Variants in MYLK observed in about 807,000 individuals in gnomAD.
MYLK encodes myosin light chain kinase.
In MYLK, 106 loss-of-function variants were observed where a neutral mutation model predicts 203.4. The ratio of observed to expected loss-of-function variants is 0.52; its 90% CI spans 0.45 to 0.61. MYLK has a LOEUF of 0.61. MYLK is among the 20% of genes least tolerant of loss of function. The probability of loss-of-function intolerance (pLI) is 0.00; values close to 1 mark genes in which losing one functional copy is unlikely to be tolerated. For missense variants in MYLK, 2,072 were observed against 2,442.3 expected, an observed-to-expected ratio of 0.85 and a Z score of 3.20; for synonymous variants, 867 against 959.5, an observed-to-expected ratio of 0.90 and a Z score of 1.78.
chr3:123,678,899 T>C (rs2060163068), intron 20 of MYLK, among the ~76,000 whole-genome samples: 2 of 152,228 alleles, frequency 1.3e-5, no homozygotes, highest in African/African-American at 4.8e-5. Flanking sequence ...ATGTTGTACA[T>C]AGTATATTTC....
chr3:123,615,904 C>T lies in MYLK; in HGVS notation c.5501-1555G>A, dbSNP rs183007918. Among the ~76,000 whole-genome samples, 57 of 152,316 alleles carry T rather than the reference C, an allele frequency of 3.7e-4. No individual in the cohort carries two copies. The East Asian group carries it at 0.01, about 27-fold the overall frequency. On this transcript the variant is annotated intron_variant, in intron 33 of 33. Transcript: ENST00000360304. Reference sequence around the variant, plus strand: ...ACTCAAGTGATCTGCCTGCCTTGGCCTTCCAAAGTGTTGGGATTACAGGCG... The same window carrying T: ...ACTCAAGTGATCTGCCTGCCTTGGCTTTCCAAAGTGTTGGGATTACAGGCG...
At position 123,793,808 on chromosome 3, in the gene MYLK, T is replaced by C. The variant is rs907838812; in HGVS notation, c.34A>G (p.Ile12Val). ...TCCACACTGAGGGAGGTTTTGGAAATGTGTGACGAGGCAACCAGCTTCACA... is the reference window on the plus strand; with the variant it reads ...TCCACACTGAGGGAGGTTTTGGAAACGTGTGACGAGGCAACCAGCTTCACA... ...GDVKLVASSH[I>V]SKTSLSVDPS... is the part of the protein sequence containing the mutation. Residue 12 changes from isoleucine to valine, a missense_variant, in exon 4 of 34, where the codon ATT (isoleucine) becomes GTT (valine). Physicochemically the swap from Ile to Val is conservative, Grantham distance 29. Transcript: ENST00000360304. The C allele has an allele frequency of 2.5e-6, 4 of 1,613,998 alleles. No homozygotes were observed. The highest frequency in any genetic ancestry group is 4.5e-5 in the East Asian group (2 of 44,882).
intron 19 of MYLK, among the ~76,000 whole-genome samples, chr3:123,687,859 A>G (rs1284132140): frequency 3.3e-5 from 5 of 152,002 alleles, no homozygotes; most frequent in Non-Finnish European, 5.9e-5. Flanking sequence ...TTTTGTAGAG[A>G]CAGGGTTTCA....
intron 4 of MYLK, among the ~76,000 whole-genome samples, chr3:123,766,040 T>G (rs78281956): frequency 4.4e-4 from 67 of 152,350 alleles, no homozygotes; most frequent in African/African-American, 1.6e-3. Context: ...GCCGCTGAAC[T>G]GTCCACTTAA....
chr3:123,724,139 CTTTTTTTTTTT>C (rs5852359), intron 12 of MYLK, among the ~76,000 whole-genome samples: 8 of 80,850 alleles, frequency 9.9e-5, no homozygotes, highest in Non-Finnish European at 6.3e-5. Context: ...CTAAGTTTTG[CTTTTTTTTTTT>C]TTTTTTTTTT....
chr3:123,772,425 T>G (rs896728268), intron 4 of MYLK, among the ~76,000 whole-genome samples: 1 of 152,094 alleles, frequency 6.6e-6, no homozygotes, highest in African/African-American at 2.4e-5. Context: ...TCAAGATCCC[T>G]TCCTCACATT....
At chr3:123,662,261 T>C (rs976098131) in intron 23 of MYLK, among the ~76,000 whole-genome samples, 2 of 152,214 alleles carry the variant, frequency 1.3e-5, no homozygotes, top group African/African-American at 4.8e-5. Context: ...TTTGAAAGTT[T>C]AGAGCTAGTT....
chr3:123,739,826 G>A (rs2062803269), intron 6 of MYLK, 127 bp downstream of exon 6: 1 of 1,040,818 alleles, frequency 9.6e-7, no homozygotes, highest in Non-Finnish European at 1.5e-6. Flanking sequence ...ACATCTCATT[G>A]TACTAGGCTC....
At chr3:123,809,069 T>A (rs2065466871) in intron 3 of MYLK, among the ~76,000 whole-genome samples, 2 of 152,084 alleles carry the variant, frequency 1.3e-5, no homozygotes, top group Non-Finnish European at 2.9e-5. Context: ...AGATTGCACA[T>A]AATCACAGAA....
At chr3:123,697,661 G>T (rs1186930297) in intron 18 of MYLK, among the ~76,000 whole-genome samples, 1 of 152,098 alleles carries the variant, frequency 6.6e-6, no homozygotes, top group Non-Finnish European at 1.5e-5. Context: ...ATTGTTGGGA[G>T]GATTAAATGG....
At chr3:123,726,811 G>C (rs820333) in intron 11 of MYLK, among the ~76,000 whole-genome samples, 1 of 152,148 alleles carries the variant, frequency 6.6e-6, no homozygotes, top group African/African-American at 2.4e-5. Flanking sequence ...CCTTAATTAA[G>C]AGCAATAGGG....
intron 13 of MYLK, among the ~76,000 whole-genome samples, chr3:123,713,579 A>ATGTGTG (rs3085274): frequency 5.6e-4 from 77 of 136,476 alleles, no homozygotes; most frequent in African/African-American, 2.1e-3. Context: ...GAGCAACACA[A>ATGTGTG]TGTGTGTGTG....
intron 13 of MYLK, among the ~76,000 whole-genome samples, chr3:123,717,839 C>CTTTT (rs10574979): frequency 3.2e-4 from 30 of 94,956 alleles, no homozygotes; most frequent in African/African-American, 1.2e-3. Flanking sequence ...TTGAGGGACT[C>CTTTT]TTTTTTTTTT....
intron 16 of MYLK, among the ~76,000 whole-genome samples, chr3:123,705,365 G>A (rs12054144): frequency 0.077 from 11,760 of 152,240 alleles, 1,336 homozygotes; most frequent in East Asian, 0.49. Flanking sequence ...GGCAAAGGCT[G>A]CAGGCTGGAG....
At chr3:123,762,006 A>G (rs1260892643) in intron 4 of MYLK, among the ~76,000 whole-genome samples, 1 of 152,140 alleles carries the variant, frequency 6.6e-6, no homozygotes, top group Non-Finnish European at 1.5e-5. Flanking sequence ...CAGCGTGGGC[A>G]ACAAGAGCGA....
At chr3:123,737,688 A>G in intron 7 of MYLK, 145 bp from the exon 8 acceptor site, 1 of 1,078,830 alleles carries the variant, frequency 9.3e-7, no homozygotes, top group Non-Finnish European at 1.4e-6. Context: ...ATGTGCTCAG[A>G]GAGCCAACTT....
intron 4 of MYLK, among the ~76,000 whole-genome samples, chr3:123,754,918 AG>A (rs2063316857): frequency 6.6e-6 from 1 of 152,250 alleles, no homozygotes; most frequent in South Asian, 2.1e-4. Flanking sequence ...GCATGTTTAA[AG>A]GTGACAGATG....
At chr3:123,643,298 C>A (rs1331944412) in intron 27 of MYLK, among the ~76,000 whole-genome samples, 1 of 152,106 alleles carries the variant, frequency 6.6e-6, no homozygotes, top group Non-Finnish European at 1.5e-5. Flanking sequence ...ACAAGGTGCT[C>A]CAAAATGTTT....
intron 13 of MYLK, among the ~76,000 whole-genome samples, chr3:123,721,541 G>T (rs1334250874): frequency 1.1e-4 from 17 of 152,138 alleles, no homozygotes; most frequent in Admixed American, 2.0e-4. Flanking sequence ...CTGGAGACCA[G>T]GCTGCTGATG....
Sources: allele counts gnomAD v4.1 joint callset (sites outside exome capture counted in the v4.1 genomes callset), GRCh38; gene constraint gnomAD v4.1.1; transcripts MANE v1.5; gene names NCBI Gene and HGNC (gene_info 2026-07-23, HGNC 2026-07-21).